Variants in EXPH5 observed in about 807,000 individuals in gnomAD.
The protein encoded by EXPH5 is exophilin-5.
In EXPH5, 42 loss-of-function variants were observed where a neutral mutation model predicts 41.1. The ratio of observed to expected loss-of-function variants is 1.02; its 90% CI spans 0.80 to 1.32. The LOEUF (loss-of-function observed/expected upper bound fraction) is 1.32, where lower values mean the gene tolerates loss of function less well. EXPH5 is among the 40% of genes most tolerant of loss of function. The pLI is 0.00. For synonymous variants in EXPH5, 798 were observed against 833.5 expected, an observed-to-expected ratio of 0.96 and a Z score of 0.73; for missense variants, 2,298 against 2,314.5, an observed-to-expected ratio of 0.99 and a Z score of 0.15.
chr11:108,516,046 T>C (rs936563091), intron 5 of EXPH5, among the ~76,000 whole-genome samples: 1 of 122,660 alleles, frequency 8.2e-6, no homozygotes, highest in African/African-American at 3.1e-5. Context: ...CACTCCAGCC[T>C]GGGCGAAAGA....
At position 108,510,542 on chromosome 11, in the gene EXPH5, G is replaced by A. The variant is rs150840286; in HGVS notation, c.4965C>T (p.Gly1655=). 43 of 1,613,954 alleles carry A rather than the reference G, an allele frequency of 2.7e-5. No individual in the cohort carries two copies. Among genetic ancestry groups the A allele is most frequent in the Admixed American group, 1.8e-4 (11 of 59,982 alleles). The change falls in exon 6 of 6, where the codon GGC becomes GGT. Residue 1655 remains glycine (G), a synonymous_variant. Coordinates refer to ENST00000265843, the MANE Select transcript of EXPH5 (RefSeq NM_015065.3). ...EPTPKSAESI[G]ESRLSENGKH... ...TTCCGTTCTCACTCAACCTGCTTTC[G>A]CCAATGGACTCTGCAGATTTTGGAG...
At position 108,514,355 on chromosome 11, in the gene EXPH5, G is replaced by T. The variant is rs1409392116; in HGVS notation, c.1152C>A (p.Asn384Lys). 1 of 1,613,530 alleles carries T rather than the reference G, an allele frequency of 6.2e-7. No individual in the cohort carries two copies. The highest frequency in any genetic ancestry group is 1.1e-5 in the South Asian group (1 of 90,954). The change falls in exon 6 of 6, where the codon AAC becomes AAA. Residue 384 changes from asparagine (N) to lysine (K), a missense_variant. Asn to Lys is a moderately conservative substitution (Grantham distance 94). Transcript: ENST00000265843. The part of the protein sequence containing the change: ...NRSDSSRDRE[N>K]QEEFLRAPSP... ...ATGGTGCCCTCAGGAACTCTTCCTGGTTCTCCCTGTCTCTAGAGGAATCTG... is the reference window on the plus strand; with the variant it reads ...ATGGTGCCCTCAGGAACTCTTCCTGTTTCTCCCTGTCTCTAGAGGAATCTG...
intron 1 of EXPH5, among the ~76,000 whole-genome samples, chr11:108,546,153 T>G (rs1399052750): frequency 6.6e-6 from 1 of 151,332 alleles, no homozygotes; most frequent in Non-Finnish European, 1.5e-5. Context: ...AGCTGGAGTG[T>G]GGAGATGGAG....
Position 108,593,734 on chromosome 11 carries a change from G to T in EXPH5, c.-198C>A. On this transcript the variant is annotated 5_prime_UTR_variant, in exon 1 of 6. Transcript: ENST00000265843. The stretch of plus-strand genomic sequence containing the variant: ...CATATTGACAATACCTTAATGACAT[G>T]TTTCTCTCAACCTGTCCAACCGAGA... The T allele has an allele frequency of 6.5e-7, 1 of 1,537,038 alleles. No individual in the cohort carries two copies. The highest frequency in any genetic ancestry group is 1.2e-5 in the South Asian group (1 of 84,380).
Position 108,513,862 on chromosome 11 carries a change from G to A in EXPH5, c.1645C>T (p.His549Tyr), listed in dbSNP as rs1238251096. The A allele has an allele frequency of 4.5e-6, 7 of 1,553,540 alleles. No individual in the cohort carries two copies. In the East Asian group the frequency reaches 1.2e-4, roughly 26 times the overall value. ...CTCTGAAAATCAAACTGCCAAGGAT[G>A]TGGCTCTTCTTGGCCTCTGGAAACA... ...TDVSRGQEEPHPWQFDFQRST... is the reference protein window; with the variant it reads ...TDVSRGQEEPYPWQFDFQRST... The change falls in exon 6 of 6, where the codon CAT (histidine) becomes TAT (tyrosine). Residue 549 changes from histidine (H) to tyrosine (Y), a missense_variant. Coordinates refer to ENST00000265843, the MANE Select transcript of EXPH5 (RefSeq NM_015065.3).
chr11:108,593,382 C>G (rs770966754), intron 1 of EXPH5, 36 bp downstream of exon 1: 3 of 1,584,914 alleles, frequency 1.9e-6, no homozygotes, highest in Middle Eastern at 1.7e-4. Flanking sequence ...CTGCGGGACC[C>G]AGGCCCAGGA....
intron 1 of EXPH5, among the ~76,000 whole-genome samples, chr11:108,565,998 T>C (rs1248552586): frequency 6.6e-6 from 1 of 152,132 alleles, no homozygotes; most frequent in Non-Finnish European, 1.5e-5. Flanking sequence ...AATTCAACCA[T>C]AATGAGCACT....
intron 1 of EXPH5, among the ~76,000 whole-genome samples, chr11:108,548,224 T>C (rs1186440035): frequency 1.1e-5 from 1 of 91,822 alleles, no homozygotes; most frequent in Non-Finnish European, 2.9e-5. Flanking sequence ...TAAGAAAGTT[T>C]TTGACTTTTT....
Position 108,510,234 on chromosome 11 carries a change from A to T in EXPH5, c.5273T>A (p.Leu1758Gln), listed in dbSNP as rs2093668529. ...NQRRLSPPFP[L>Q]EPAQKSRVSS... ...TACTCTAGATTTCTGTGCAGGCTCC[A>T]GTGGAAAAGGAGGGCTCAGCCTCCT... Residue 1758 changes from leucine (L) to glutamine (Q), a missense_variant, in exon 6 of 6, where the codon CTG becomes CAG. By Grantham distance (113) the Leu-to-Gln change is moderately radical. Transcript: ENST00000265843. 1 of 1,613,616 alleles carries T rather than the reference A, an allele frequency of 6.2e-7. No homozygotes were observed. Among genetic ancestry groups the T allele is most frequent in the African/African-American group, 1.3e-5 (1 of 74,872 alleles).
chr11:108,572,877 T>C (rs1046207610), intron 1 of EXPH5, among the ~76,000 whole-genome samples: 1 of 151,962 alleles, frequency 6.6e-6, no homozygotes, highest in Admixed American at 6.6e-5. Flanking sequence ...AGTAATACTG[T>C]TAGTCATTTA....
rs1045939176 is a variant in EXPH5, at chr11:108,516,921, A to G, written c.631+1314T>C. On this transcript the variant is annotated intron_variant, in intron 5 of 5. Coordinates refer to ENST00000265843, the MANE Select transcript of EXPH5 (RefSeq NM_015065.3). ...GCAAAAAACAAAACAAAACAACTGC[A>G]TAATGAATAAAAATCTATCTTTAAA... 2.6e-5 allele frequency among the ~76,000 whole-genome samples: 4 copies of G among 152,268 alleles called. No homozygotes were observed. In the East Asian group the frequency reaches 5.8e-4, roughly 22 times the overall value.
chr11:108,516,598 C>T (rs1305039618), intron 5 of EXPH5, among the ~76,000 whole-genome samples: 2 of 152,106 alleles, frequency 1.3e-5, no homozygotes, highest in African/African-American at 4.8e-5. Context: ...TCTGAGCACA[C>T]ATAAGTGAAA....
At chr11:108,584,204 A>C (rs1261721804) in intron 1 of EXPH5, among the ~76,000 whole-genome samples, 2 of 152,182 alleles carry the variant, frequency 1.3e-5, no homozygotes, top group Non-Finnish European at 2.9e-5. Context: ...GGCTGGGCAC[A>C]GTGGCTCACA....
Position 108,510,590 on chromosome 11 carries a change from G to T in EXPH5, c.4917C>A (p.Cys1639Ter), listed in dbSNP as rs763170220. The change falls in exon 6 of 6, where the codon TGC becomes TGA. Residue 1639 changes from cysteine (C) to a stop codon, truncating the protein, a stop_gained. Coordinates refer to ENST00000265843, the MANE Select transcript of EXPH5 (RefSeq NM_015065.3). LOFTEE classifies it low-confidence loss of function (END_TRUNC). ...FDHLSLGTVECNPLFPEPTPK... is the reference protein window; with the variant it reads ...FDHLSLGTVE ...GAGTAGGCTCAGGGAACAGTGGGTT[G>T]CACTCCACTGTGCCAAGAGATAAAT... is the stretch of plus-strand genomic sequence containing the variant. The T allele has an allele frequency of 1.2e-6, 2 of 1,614,032 alleles. No homozygotes were observed. Among genetic ancestry groups the T allele is most frequent in the Admixed American group, 3.3e-5 (2 of 60,022 alleles).
At chr11:108,575,512 G>A (rs2094076678) in intron 1 of EXPH5, among the ~76,000 whole-genome samples, 1 of 152,160 alleles carries the variant, frequency 6.6e-6, no homozygotes. Flanking sequence ...AAACACTAAA[G>A]TGACTAAAAT....
intron 1 of EXPH5, among the ~76,000 whole-genome samples, chr11:108,562,564 G>A (rs549195273): frequency 2.0e-5 from 3 of 152,104 alleles, no homozygotes; most frequent in African/African-American, 2.4e-5. Flanking sequence ...AGCTGAGATC[G>A]CACCACTGCA....
At chr11:108,573,578 G>T (rs1029873914) in intron 1 of EXPH5, among the ~76,000 whole-genome samples, 3 of 152,142 alleles carry the variant, frequency 2.0e-5, no homozygotes, top group African/African-American at 7.2e-5. Context: ...GTGGTTATTT[G>T]GTTGCTACAG....
intron 1 of EXPH5, among the ~76,000 whole-genome samples, chr11:108,551,515 T>C (rs1308271489): frequency 2.0e-5 from 3 of 152,352 alleles, no homozygotes; most frequent in African/African-American, 7.2e-5. Context: ...ATCTCCTCTC[T>C]GACATCTCTG....
intron 1 of EXPH5, among the ~76,000 whole-genome samples, chr11:108,554,417 A>G (rs115733253): frequency 0.019 from 2,939 of 152,302 alleles, 90 homozygotes; most frequent in African/African-American, 0.067. Flanking sequence ...GCACATTTGT[A>G]AAGTGGGGAT....
Sources: gnomAD v4.1 joint callset for allele counts (sites outside exome capture counted in the v4.1 genomes callset) on GRCh38, gnomAD v4.1.1 for gene constraint, MANE v1.5 for transcripts, NCBI Gene and HGNC (gene_info 2026-07-23, HGNC 2026-07-21) for gene names.